LGR6: variants seen among roughly 807,000 people sequenced by gnomAD.
LGR6 encodes the protein leucine rich repeat containing G protein-coupled receptor 6.
In LGR6, 45 loss-of-function variants were observed where a neutral mutation model predicts 69.4. The ratio of observed to expected loss-of-function variants is 0.65; its 90% CI spans 0.51 to 0.83. The LOEUF (loss-of-function observed/expected upper bound fraction) is 0.83, where lower values mean the gene tolerates loss of function less well. Among genes scored for constraint, LGR6 ranks in the 40% least tolerant of loss-of-function variants. The pLI, the probability that LGR6 is intolerant of heterozygous loss-of-function variation, is 0.00. For missense variants in LGR6, 1,108 were observed against 1,246.7 expected (o/e 0.89, Z 1.68); for synonymous variants, 538 against 555.0 (o/e 0.97, Z 0.43).
intron 6 of LGR6, among the ~76,000 whole-genome samples, chr1:202,285,552 T>C (rs941957998): frequency 3.9e-5 from 6 of 152,242 alleles, no homozygotes; most frequent in Non-Finnish European, 8.8e-5. Context: ...TCGCATTAAA[T>C]GAGATGACTT....
At chr1:202,270,403 C>T (rs890153101) in intron 4 of LGR6, among the ~76,000 whole-genome samples, 8 of 152,100 alleles carry the variant, frequency 5.3e-5, no homozygotes, top group Non-Finnish European at 1.0e-4. Context: ...CCACCACGCC[C>T]GTCTAATTTT....
chr1:202,249,358 G>A (rs1257236005), intron 4 of LGR6, among the ~76,000 whole-genome samples: 1 of 152,140 alleles, frequency 6.6e-6, no homozygotes, highest in Admixed American at 6.5e-5. Context: ...CTCCTTGGAA[G>A]CTCCTCTTCC....
At chr1:202,260,067 G>A (rs1025358019) in intron 4 of LGR6, among the ~76,000 whole-genome samples, 6 of 152,174 alleles carry the variant, frequency 3.9e-5, no homozygotes, top group Non-Finnish European at 8.8e-5. Context: ...ATGGTTTTCT[G>A]AGACGGAGTC....
chr1:202,214,219 C>T, intron 1 of LGR6: 1 of 1,542,412 alleles, frequency 6.5e-7, no homozygotes, highest in South Asian at 1.2e-5. Context: ...GCTGGGAGTG[C>T]ACGGCGCGGT....
chr1:202,220,344 A>G (rs3010074), intron 1 of LGR6, among the ~76,000 whole-genome samples: 115,431 of 151,864 alleles, frequency 0.76, 45,569 homozygotes, highest in East Asian at 0.94. Context: ...TCAGCCTCTC[A>G]AGTAACTGGG....
At chr1:202,307,800 T>C (rs1653366653) in intron 14 of LGR6, among the ~76,000 whole-genome samples, 2 of 152,136 alleles carry the variant, frequency 1.3e-5, no homozygotes, top group Non-Finnish European at 1.5e-5. Context: ...TGCTTGAGCA[T>C]TGCTGTAGAG....
At chr1:202,283,671 C>A (rs930008136) in intron 6 of LGR6, among the ~76,000 whole-genome samples, 2 of 152,224 alleles carry the variant, frequency 1.3e-5, no homozygotes, top group Admixed American at 6.5e-5. Context: ...TGCGGGCATG[C>A]ACACACGTGG....
At chr1:202,281,017 T>TATC in intron 6 of LGR6, 165 bp downstream of exon 6, 1 of 601,642 alleles carries the variant, frequency 1.7e-6, no homozygotes, top group Non-Finnish European at 2.9e-6. Flanking sequence ...TTCTCTGGAA[T>TATC]ATCACTGAGA....
At position 202,261,958 on chromosome 1, in the gene LGR6, G is replaced by C. The variant is rs530429544; in HGVS notation, c.429-14348G>C. Reference sequence around the variant, plus strand: ...TTGTTTTTTTCTTGTAAATTTGTTTGAGTTCATTGTAAATTCTGGATATTA... The same window carrying C: ...TTGTTTTTTTCTTGTAAATTTGTTTCAGTTCATTGTAAATTCTGGATATTA... On this transcript the variant is annotated intron_variant, in intron 4 of 17. Transcript: ENST00000367278. Among the ~76,000 whole-genome samples the C allele has an allele frequency of 4.1e-4, 62 of 152,160 alleles. No individual in the cohort carries two copies. In the South Asian group the frequency reaches 7.3e-3, roughly 18 times the overall value.
chr1:202,276,330 C>T lies in LGR6; in HGVS notation c.453C>T (p.Ser151=). 1 of 1,614,104 alleles carries T rather than the reference C, an allele frequency of 6.2e-7. No individual in the cohort carries two copies. Among genetic ancestry groups the T allele is most frequent in the Non-Finnish European group, 8.5e-7 (1 of 1,179,982 alleles). Residue 151 remains serine, a synonymous_variant, in exon 5 of 18, where the codon TCC becomes TCT. Transcript: ENST00000367278. ...QSLRLDANLI[S]LVPERSFEGL... is the part of the protein sequence containing the mutation. ...GGCGCCTAGATGCCAACCTCATCTC[C>T]CTGGTCCCGGAGAGGAGCTTTGAGG...
At chr1:202,196,671 G>A (rs1378944595) in intron 1 of LGR6, among the ~76,000 whole-genome samples, 1 of 152,212 alleles carries the variant, frequency 6.6e-6, no homozygotes, top group Non-Finnish European at 1.5e-5. Flanking sequence ...AAAGTCCCCA[G>A]AGTGCCTGAC....
chr1:202,200,483 T>C (rs186171745), intron 1 of LGR6, among the ~76,000 whole-genome samples: 5 of 152,154 alleles, frequency 3.3e-5, no homozygotes, highest in Non-Finnish European at 5.9e-5. Flanking sequence ...TGAGTCACTA[T>C]TGGGAGCAGG....
chr1:202,227,056 G>A (rs895301866), intron 2 of LGR6, among the ~76,000 whole-genome samples: 7 of 152,148 alleles, frequency 4.6e-5, no homozygotes, highest in Non-Finnish European at 7.4e-5. Flanking sequence ...CCTTTCCACG[G>A]CAAATACCCA....
In LGR6 at chr1:202,319,020, A is replaced by G. The variant is rs576138499; in HGVS notation, c.2717A>G (p.Gln906Arg). Reference sequence around the variant, plus strand: ...TCAGTGACCCTCATCTCCTGTCAGCAGCCAGGGGCCCCCAGGCTGGAGGGC... The same window carrying G: ...TCAGTGACCCTCATCTCCTGTCAGCGGCCAGGGGCCCCCAGGCTGGAGGGC... ...FPSVTLISCQ[Q>R]PGAPRLEGSH... The change falls in exon 18 of 18, where the codon CAG becomes CGG. Residue 906 changes from glutamine (Q) to arginine (R), a missense_variant. Transcript: ENST00000367278. The G allele has an allele frequency of 1.3e-5, 21 of 1,614,118 alleles. No individual in the cohort carries two copies. The highest frequency in any genetic ancestry group is 1.7e-5 in the Non-Finnish European group (20 of 1,179,998).
chr1:202,263,994 A>G (rs572423836), intron 4 of LGR6, among the ~76,000 whole-genome samples: 5 of 152,190 alleles, frequency 3.3e-5, no homozygotes, highest in Admixed American at 2.0e-4. Flanking sequence ...AACCGTGGGG[A>G]TGATTGTGTA....
At chr1:202,234,072 T>C (rs1304790358) in intron 3 of LGR6, among the ~76,000 whole-genome samples, 3 of 152,206 alleles carry the variant, frequency 2.0e-5, no homozygotes, top group African/African-American at 7.2e-5. Context: ...CCCTCTGGCA[T>C]TGGGTGGAGC....
chr1:202,299,514 ATCTC>A (rs969600296), intron 7 of LGR6, among the ~76,000 whole-genome samples: 24 of 151,680 alleles, frequency 1.6e-4, no homozygotes, highest in Non-Finnish European at 3.4e-4. Context: ...GTCTATCTCC[ATCTC>A]TCTCTCTCTC....
chr1:202,202,217 T>C (rs564855652), intron 1 of LGR6, among the ~76,000 whole-genome samples: 53 of 152,308 alleles, frequency 3.5e-4, no homozygotes, highest in Admixed American at 4.6e-4. Flanking sequence ...CCACGACCTG[T>C]TCTGTCCCAC....
At chr1:202,226,784 G>A (rs1660587888) in intron 2 of LGR6, among the ~76,000 whole-genome samples, 1 of 152,246 alleles carries the variant, frequency 6.6e-6, no homozygotes, top group Non-Finnish European at 1.5e-5. Flanking sequence ...GGAGTGGTCA[G>A]GGTTGGCCTG....
Sources: gnomAD v4.1 joint callset for allele counts (sites outside exome capture counted in the v4.1 genomes callset) on GRCh38, gnomAD v4.1.1 for gene constraint, MANE v1.5 for transcripts, NCBI Gene and HGNC (gene_info 2026-07-23, HGNC 2026-07-21) for gene names.